The following SMYD3 variants were observed in gnomAD, a reference collection of about 807,000 sequenced individuals.
SMYD3 encodes the protein SET and MYND domain containing 3.
SMYD3 carries 36 observed loss-of-function variants against 57.7 expected under a neutral mutation model. That is an observed-to-expected ratio of 0.62 (90% CI 0.48 to 0.82). SMYD3 has a LOEUF of 0.82. Among genes scored for constraint, SMYD3 ranks in the 40% least tolerant of loss-of-function variants. SMYD3 has a pLI of 0.00. For missense variants in SMYD3, 515 were observed against 538.8 expected (o/e 0.96, Z 0.44); for synonymous variants, 211 against 195.0 (o/e 1.08, Z -0.68).
chr1:245,824,442 C>T (rs976726009), intron 10 of SMYD3, among the ~76,000 whole-genome samples: 7 of 152,186 alleles, frequency 4.6e-5, no homozygotes, highest in Non-Finnish European at 1.0e-4. Context: ...TCAGGCCGGG[C>T]GCAGTGGCTC....
chr1:246,421,669 A>G (rs549096481), intron 1 of SMYD3, among the ~76,000 whole-genome samples: 1 of 152,368 alleles, frequency 6.6e-6, no homozygotes, highest in South Asian at 2.1e-4. Context: ...AAAGCAATTA[A>G]AAACAGTAAA....
rs554772445 is a variant in SMYD3 at position 246,453,411 on chromosome 1, T to C, written c.164+53643A>G. Among the ~76,000 whole-genome samples the C allele has an allele frequency of 5.9e-5, 9 of 152,230 alleles. No individual in the cohort carries two copies. In the South Asian group the frequency reaches 1.9e-3, roughly 32 times the overall value. On this transcript the variant is annotated intron_variant, in intron 1 of 11. Transcript: ENST00000490107. ...TTTAGTACAGTGGTGGATTACAAAATCACATAAAACTACGATGCTTCTATA... is the reference window on the plus strand; with the variant it reads ...TTTAGTACAGTGGTGGATTACAAAACCACATAAAACTACGATGCTTCTATA...
At chr1:245,826,339 A>T (rs551804550) in intron 10 of SMYD3, among the ~76,000 whole-genome samples, 174 of 152,198 alleles carry the variant, frequency 1.1e-3, no homozygotes, top group African/African-American at 4.1e-3. Context: ...TGCAAGCTTC[A>T]TCCATGTTGT....
At chr1:246,272,765 T>C (rs1192999193) in intron 5 of SMYD3, among the ~76,000 whole-genome samples, 1 of 152,222 alleles carries the variant, frequency 6.6e-6, no homozygotes, top group African/African-American at 2.4e-5. Context: ...AATATCTTTG[T>C]CTGGCTTTGG....
At chr1:245,925,731 G>A (rs1370625684) in intron 7 of SMYD3, among the ~76,000 whole-genome samples, 1 of 152,162 alleles carries the variant, frequency 6.6e-6, no homozygotes, top group Non-Finnish European at 1.5e-5. Flanking sequence ...TAAGTGCTAA[G>A]AGATACAGAA....
chr1:246,276,249 T>A (rs12741654), intron 5 of SMYD3, among the ~76,000 whole-genome samples: 81 of 112,672 alleles, frequency 7.2e-4, no homozygotes, highest in South Asian at 3.5e-3. Flanking sequence ...CTGATGCCCA[T>A]GTTTGAATAC....
chr1:246,436,100 T>C (rs1013167189), intron 1 of SMYD3, among the ~76,000 whole-genome samples: 16 of 151,690 alleles, frequency 1.1e-4, no homozygotes, highest in African/African-American at 3.9e-4. Context: ...AGTAGTTACA[T>C]ATTCAAATTT....
intron 5 of SMYD3, among the ~76,000 whole-genome samples, chr1:246,230,279 T>C (rs766506140): frequency 6.6e-6 from 1 of 152,208 alleles, no homozygotes; most frequent in Non-Finnish European, 1.5e-5. Flanking sequence ...TTTTTTCACA[T>C]GTAAAGAAAC....
intron 5 of SMYD3, among the ~76,000 whole-genome samples, chr1:246,166,802 T>C (rs2062221238): frequency 6.6e-6 from 1 of 152,208 alleles, no homozygotes. Flanking sequence ...AGGTGAAACA[T>C]AAAATTAACT....
chr1:245,822,682 G>A (rs2049238804), intron 10 of SMYD3, among the ~76,000 whole-genome samples: 1 of 152,094 alleles, frequency 6.6e-6, no homozygotes, highest in South Asian at 2.1e-4. Context: ...CGCTGAGGGT[G>A]AAGCCTCACT....
At chr1:245,867,437 C>T (rs917135975) in intron 8 of SMYD3, among the ~76,000 whole-genome samples, 9 of 152,216 alleles carry the variant, frequency 5.9e-5, no homozygotes, top group African/African-American at 1.4e-4. Context: ...ATACCTTCTG[C>T]TCCTCTGGCC....
chr1:246,481,891 T>C (rs972973484), intron 1 of SMYD3, among the ~76,000 whole-genome samples: 2 of 151,618 alleles, frequency 1.3e-5, no homozygotes, highest in African/African-American at 2.4e-5. Flanking sequence ...GTGTAATGGC[T>C]CACACTTGCA....
At chr1:246,379,839 A>C (rs890478349) in intron 1 of SMYD3, among the ~76,000 whole-genome samples, 5 of 152,220 alleles carry the variant, frequency 3.3e-5, no homozygotes, top group African/African-American at 1.2e-4. Context: ...ATCTCCACTG[A>C]AAATACAAAA....
chr1:245,761,786 CTT>C (rs534305833), intron 11 of SMYD3, among the ~76,000 whole-genome samples: 10 of 115,696 alleles, frequency 8.6e-5, no homozygotes, highest in Non-Finnish European at 8.4e-5. Flanking sequence ...CATATTGAGT[CTT>C]TTTTTTTTTT....
intron 1 of SMYD3, among the ~76,000 whole-genome samples, chr1:246,395,582 C>T (rs1018812253): frequency 1.0e-4 from 14 of 137,468 alleles, no homozygotes; most frequent in Admixed American, 5.0e-4. Flanking sequence ...GCGAGTGGAC[C>T]CCCACGGTCA....
intron 5 of SMYD3, among the ~76,000 whole-genome samples, chr1:246,233,028 T>C (rs1385309787): frequency 7.5e-6 from 1 of 133,202 alleles, no homozygotes; most frequent in African/African-American, 2.7e-5. Flanking sequence ...GTGATGAACA[T>C]ATACCACACA....
chr1:246,433,234 T>C (rs1207396629), intron 1 of SMYD3, among the ~76,000 whole-genome samples: 1 of 152,100 alleles, frequency 6.6e-6, no homozygotes, highest in Non-Finnish European at 1.5e-5. Flanking sequence ...CACACACCAA[T>C]ATCTAGGAAT....
Position 246,101,064 on chromosome 1 carries a change from G to GTTTTT in SMYD3, c.532-171132_532-171128dup, listed in dbSNP as rs538220674. On this transcript the variant is annotated intron_variant, in intron 5 of 11. Coordinates refer to ENST00000490107, the MANE Select transcript of SMYD3 (RefSeq NM_001167740.2). ...TCACTAGTAATATGTATTTTTAGGG[G>GTTTTT]TTTTTTGTTTTTTTTTTTTTTTTTT... 7.6e-5 allele frequency among the ~76,000 whole-genome samples: 6 copies of GTTTTT among 78,594 alleles called. 1 individual carries two copies. The highest frequency in any genetic ancestry group is 1.2e-4 in the Non-Finnish European group (4 of 32,610). 51.6% of individuals were successfully genotyped at this position (78,594 alleles called of 152,430 possible). A position where few individuals can be genotyped will look rare whatever the true frequency, so the allele number is the denominator to read the frequency against.
chr1:246,449,511 G>A (rs367766321), intron 1 of SMYD3, among the ~76,000 whole-genome samples: 2 of 152,176 alleles, frequency 1.3e-5, no homozygotes, highest in East Asian at 1.9e-4. Context: ...AGGAAGACCT[G>A]GGTTTGGAAA....
Sources: allele counts gnomAD v4.1 joint callset (sites outside exome capture counted in the v4.1 genomes callset), GRCh38; gene constraint gnomAD v4.1.1; transcripts MANE v1.5; gene names NCBI Gene and HGNC (gene_info 2026-07-23, HGNC 2026-07-21).